The following ZNF493 variants were observed in gnomAD, a reference collection of about 807,000 sequenced individuals.
The protein encoded by ZNF493 is zinc finger protein 493.
In ZNF493, 11 loss-of-function variants were observed where a neutral mutation model predicts 12.2. That is an observed-to-expected ratio of 0.90 (90% CI 0.57 to 1.50). ZNF493 has a LOEUF of 1.50. Among genes scored for constraint, ZNF493 ranks in the 40% most tolerant of loss-of-function variants. The pLI, the probability that ZNF493 is intolerant of heterozygous loss-of-function variation, is 0.00. For synonymous variants in ZNF493, 286 were observed against 302.6 expected (o/e 0.95, Z 0.57); for missense variants, 950 against 906.6 (o/e 1.05, Z -0.61).
At chr19:21,416,712 T>G (rs1403344901) in intron 3 of ZNF493, among the ~76,000 whole-genome samples, 2 of 152,178 alleles carry the variant, frequency 1.3e-5, no homozygotes, top group African/African-American at 4.8e-5. Flanking sequence ...TTTTTCCCAT[T>G]CCCACTTATG....
chr19:21,404,857 C>T (rs189688209), intron 1 of ZNF493, among the ~76,000 whole-genome samples: 1 of 147,818 alleles, frequency 6.8e-6, no homozygotes, highest in East Asian at 1.9e-4. Flanking sequence ...AAAAAATGTA[C>T]ATGTTTGTGT....
chr19:21,423,426 A>G lies in ZNF493; in HGVS notation c.767A>G (p.Lys256Arg), dbSNP rs2030744995. ...CAGGACTCAAACCTTACTACACATA[A>G]GAGAATTCATACTGGACAGAAACCC... is the stretch of plus-strand genomic sequence containing the variant. ...FNQDSNLTTH[K>R]RIHTGQKPYK... is the part of the protein sequence containing the mutation. The change falls in exon 4 of 4, where the codon AAG (lysine) becomes AGG (arginine). Residue 256 changes from lysine (K) to arginine (R), a missense_variant. Lys to Arg is a conservative substitution (Grantham distance 26). Coordinates refer to ENST00000392288, the MANE Select transcript of ZNF493 (RefSeq NM_001076678.3). The G allele has an allele frequency of 6.2e-7, 1 of 1,613,646 alleles. No individual in the cohort carries two copies. The highest frequency in any genetic ancestry group is 1.3e-5 in the African/African-American group (1 of 74,916).
chr19:21,423,189 C>G lies in ZNF493; in HGVS notation c.530C>G (p.Thr177Ser). The G allele has an allele frequency of 6.2e-7, 1 of 1,613,736 alleles. No individual in the cohort carries two copies. Among genetic ancestry groups the G allele is most frequent in the Non-Finnish European group, 8.5e-7 (1 of 1,179,820 alleles). Residue 177 changes from threonine to serine, a missense_variant, in exon 4 of 4, where the codon ACT becomes AGT. Physicochemically the swap from Thr to Ser is moderately conservative, Grantham distance 58. Coordinates refer to ENST00000392288, the MANE Select transcript of ZNF493 (RefSeq NM_001076678.3). Reference protein sequence around the residue: ...LNSNRHNTKHTGKKPFKCKKC... With the variant: ...LNSNRHNTKHSGKKPFKCKKC... ...TCAAATAGACATAACACAAAACATA[C>G]TGGAAAGAAACCTTTCAAATGTAAA...
intron 3 of ZNF493, among the ~76,000 whole-genome samples, chr19:21,410,064 A>G (rs1375412452): frequency 5.7e-5 from 3 of 52,322 alleles, no homozygotes; most frequent in Non-Finnish European, 9.0e-5. Flanking sequence ...TTGTGTGTAT[A>G]TATATATATA....
chr19:21,408,303 GT>G, intron 3 of ZNF493: 1 of 611,958 alleles, frequency 1.6e-6, no homozygotes, highest in Non-Finnish European at 2.0e-6. Context: ...TTTTTTGTGT[GT>G]TTTTAGTGGA....
At chr19:21,418,360 C>T (rs2030555732) in intron 3 of ZNF493, among the ~76,000 whole-genome samples, 1 of 152,180 alleles carries the variant, frequency 6.6e-6, no homozygotes. Flanking sequence ...GTGGAATGAA[C>T]CACAGCACAC....
intron 3 of ZNF493, among the ~76,000 whole-genome samples, chr19:21,416,840 T>G (rs1342426455): frequency 6.6e-6 from 1 of 152,230 alleles, no homozygotes; most frequent in Non-Finnish European, 1.5e-5. Flanking sequence ...TGTATATATT[T>G]GTACCCCTTT....
At position 21,425,311 on chromosome 19, in the gene ZNF493, C is replaced by T; in HGVS notation, c.*327C>T. 1 of 434,530 alleles carries T rather than the reference C, an allele frequency of 2.3e-6. No homozygotes were observed. The highest frequency in any genetic ancestry group is 4.5e-6 in the Non-Finnish European group (1 of 224,512). The allele number at this position is 434,530 out of a possible 1,614,324, so 26.9% of individuals were successfully genotyped here. ...GACAAAGCTTTTAACCACTTCTCAA[C>T]CCTGCCTACACGTAAGATAATTCAT... On this transcript the variant is annotated 3_prime_UTR_variant, in exon 4 of 4. Coordinates refer to ENST00000392288, the MANE Select transcript of ZNF493 (RefSeq NM_001076678.3).
chr19:21,417,325 G>C (rs932651766), intron 3 of ZNF493, among the ~76,000 whole-genome samples: 2 of 152,048 alleles, frequency 1.3e-5, no homozygotes, highest in South Asian at 4.2e-4. Flanking sequence ...CAGTCTTGTC[G>C]TTGCCTGTGC....
At chr19:21,421,204 T>A (rs2030667614) in intron 3 of ZNF493, among the ~76,000 whole-genome samples, 1 of 100,476 alleles carries the variant, frequency 1.0e-5, no homozygotes, top group South Asian at 3.3e-4. Flanking sequence ...TTTTTCAGGG[T>A]TTTTTTATAT....
rs1340524176 is a variant in ZNF493, at chr19:21,426,074, A to G, written c.*1090A>G. On this transcript the variant is annotated 3_prime_UTR_variant, in exon 4 of 4. Coordinates refer to ENST00000392288, the MANE Select transcript of ZNF493 (RefSeq NM_001076678.3). ...CTAGTCCTCAGTTCTTAACACACAT[A>G]CGATAATTCTTACTGCAGAGAAACT... 2.9e-6 allele frequency: 1 copy of G among 344,578 alleles called. No individual in the cohort carries two copies. Among genetic ancestry groups the G allele is most frequent in the Admixed American group, 3.9e-5 (1 of 25,916 alleles). 21.3% of individuals were successfully genotyped at this position (344,578 alleles called of 1,614,324 possible).
In ZNF493 at chr19:21,423,171, G is replaced by C; in HGVS notation, c.512G>C (p.Arg171Thr). ...KVFHKLLNSN[R>T]HNTKHTGKKP... Reference sequence around the variant, plus strand: ...TTTCATAAACTTTTAAATTCAAATAGACATAACACAAAACATACTGGAAAG... The same window carrying C: ...TTTCATAAACTTTTAAATTCAAATACACATAACACAAAACATACTGGAAAG... The change falls in exon 4 of 4, where the codon AGA (arginine) becomes ACA (threonine). Residue 171 changes from arginine (R) to threonine (T), a missense_variant. Transcript: ENST00000392288. 2 of 1,613,364 alleles carry C rather than the reference G, an allele frequency of 1.2e-6. No individual in the cohort carries two copies. The highest frequency in any genetic ancestry group is 1.7e-6 in the Non-Finnish European group (2 of 1,179,722).
chr19:21,405,832 C>G lies in ZNF493; in HGVS notation c.229C>G (p.His77Asp), dbSNP rs770045725. 2 of 1,554,152 alleles carry G rather than the reference C, an allele frequency of 1.3e-6. No homozygotes were observed. Among genetic ancestry groups the G allele is most frequent in the Non-Finnish European group, 1.7e-6 (2 of 1,146,468 alleles). Reference sequence around the variant, plus strand: ...AAAAGATCCCTGGAATATGAAGGGACACAGTACGGTAGTCAAACCCCCAGG... The same window carrying G: ...AAAAGATCCCTGGAATATGAAGGGAGACAGTACGGTAGTCAAACCCCCAGG... ...QGKDPWNMKG[H>D]STVVKPPVIC... Residue 77 changes from histidine to aspartate, a missense_variant, in exon 3 of 4, where the codon CAC becomes GAC. Coordinates refer to ENST00000392288, the MANE Select transcript of ZNF493 (RefSeq NM_001076678.3).
At chr19:21,407,510 C>CT (rs1486079400) in intron 3 of ZNF493, 1 of 341,828 alleles carries the variant, frequency 2.9e-6, no homozygotes, top group African/African-American at 2.2e-5. Flanking sequence ...AGGATGGTCT[C>CT]TATCTCCTGA....
intron 1 of ZNF493, among the ~76,000 whole-genome samples, chr19:21,403,987 C>T (rs1189977737): frequency 6.6e-6 from 1 of 152,110 alleles, no homozygotes; most frequent in Non-Finnish European, 1.5e-5. Context: ...ATTCAAGATT[C>T]CCATTGGCGG....
chr19:21,401,833 C>G (rs186124237), intron 1 of ZNF493, among the ~76,000 whole-genome samples: 1 of 152,170 alleles, frequency 6.6e-6, no homozygotes, highest in Admixed American at 6.5e-5. Flanking sequence ...CCATGTTGGC[C>G]AGGCTGTTCG....
At chr19:21,417,137 G>A (rs2030520212) in intron 3 of ZNF493, among the ~76,000 whole-genome samples, 1 of 152,160 alleles carries the variant, frequency 6.6e-6, no homozygotes, top group African/African-American at 2.4e-5. Context: ...GAGTGGCACT[G>A]ATTAGCCCAA....
chr19:21,402,482 A>G (rs62110418), intron 1 of ZNF493, among the ~76,000 whole-genome samples: 54,252 of 151,948 alleles, frequency 0.36, 10,539 homozygotes, highest in Non-Finnish European at 0.45. Context: ...AGGAGCCTCT[A>G]TGAAGGGATC....
chr19:21,409,847 T>G (rs1228462679), intron 3 of ZNF493, among the ~76,000 whole-genome samples: 1 of 152,004 alleles, frequency 6.6e-6, no homozygotes, highest in East Asian at 1.9e-4. Context: ...CAGTACCCAT[T>G]AAGTAACAAC....
Sources: gnomAD v4.1 joint callset for allele counts (sites outside exome capture counted in the v4.1 genomes callset) on GRCh38, gnomAD v4.1.1 for gene constraint, MANE v1.5 for transcripts, NCBI Gene and HGNC (gene_info 2026-07-23, HGNC 2026-07-21) for gene names.